The following SERPINB7 variants were observed in gnomAD, a reference collection of about 807,000 sequenced individuals.
SERPINB7 encodes serpin family B member 7, also known as serpin B7.
In SERPINB7, 31 loss-of-function variants were observed where a neutral mutation model predicts 37.4. The ratio of observed to expected loss-of-function variants is 0.83; its 90% CI spans 0.62 to 1.12. SERPINB7 has a LOEUF of 1.12. SERPINB7 is among the 50% of genes most tolerant of loss of function. SERPINB7 has a pLI of 0.00. For synonymous variants in SERPINB7, 163 were observed against 166.1 expected, an observed-to-expected ratio of 0.98 and a Z score of 0.14; for missense variants, 521 against 455.3, an observed-to-expected ratio of 1.14 and a Z score of -1.31.
intron 7 of SERPINB7, among the ~76,000 whole-genome samples, chr18:63,802,977 A>T (rs150606464): frequency 7.4e-4 from 113 of 152,298 alleles, no homozygotes; most frequent in Non-Finnish European, 1.3e-3. Flanking sequence ...AATTCACGTG[A>T]TAATCTTCAT....
chr18:63,781,163 C>G (rs890666922), intron 1 of SERPINB7, among the ~76,000 whole-genome samples: 3 of 152,182 alleles, frequency 2.0e-5, no homozygotes, highest in Non-Finnish European at 4.4e-5. Context: ...CTGCATGGCT[C>G]TCCCTCCTTG....
intron 4 of SERPINB7, among the ~76,000 whole-genome samples, chr18:63,795,609 GT>G (rs2049479459): frequency 6.6e-6 from 1 of 151,400 alleles, no homozygotes; most frequent in African/African-American, 2.4e-5. Context: ...AAAAGAAAGT[GT>G]GGGTGGAACC....
Position 63,804,835 on chromosome 18 carries a change from C to T in SERPINB7, c.*200C>T. The T allele has an allele frequency of 1.8e-6, 1 of 556,608 alleles. No homozygotes were observed. The highest frequency in any genetic ancestry group is 3.1e-6 in the Non-Finnish European group (1 of 318,808). 34.5% of individuals were successfully genotyped at this position (556,608 alleles called of 1,614,324 possible). A position where few individuals can be genotyped will look rare whatever the true frequency, so the allele number is the denominator to read the frequency against. On this transcript the variant is annotated 3_prime_UTR_variant, in exon 8 of 8. Transcript: ENST00000398019. ...CCTGATCCCTGCTCTTAGCATTCTA[C>T]CACCATGTGTCTCACCCATTTCTAA...
At chr18:63,756,105 AC>A in intron 1 of SERPINB7, among the ~76,000 whole-genome samples, 1 of 151,928 alleles carries the variant, frequency 6.6e-6, no homozygotes, top group Non-Finnish European at 1.5e-5. Context: ...ACACACACAC[AC>A]ACACACACAC....
intron 7 of SERPINB7, among the ~76,000 whole-genome samples, chr18:63,803,715 G>A (rs902521500): frequency 4.6e-5 from 7 of 152,124 alleles, no homozygotes; most frequent in Non-Finnish European, 7.4e-5. Context: ...AGACAGTATG[G>A]GTAACTGCAC....
intron 1 of SERPINB7, among the ~76,000 whole-genome samples, chr18:63,756,050 T>C (rs2049120028): frequency 6.6e-6 from 1 of 151,186 alleles, no homozygotes; most frequent in Non-Finnish European, 1.5e-5. Flanking sequence ...ATACATCACT[T>C]ACAGCATAAT....
At chr18:63,798,573 A>C in intron 5 of SERPINB7, 31 bp from the exon 6 acceptor site, 2 of 1,505,842 alleles carry the variant, frequency 1.3e-6, no homozygotes, top group Non-Finnish European at 1.8e-6. Context: ...TATTAAAATA[A>C]ACATTTTTCC....
intron 3 of SERPINB7, 81 bp from the exon 4 acceptor site, chr18:63,793,080 A>G (rs2144632102): frequency 4.6e-6 from 3 of 659,316 alleles, no homozygotes; most frequent in Non-Finnish European, 7.5e-6. Flanking sequence ...TATAATTTGC[A>G]TGTTTTGTTT....
At chr18:63,801,855 G>T (rs75611896) in intron 7 of SERPINB7, among the ~76,000 whole-genome samples, 6,800 of 152,170 alleles carry the variant, frequency 0.045, 562 homozygotes, top group African/African-American at 0.16. Context: ...CATTGAGGGG[G>T]TTACAAATTT....
At chr18:63,791,377 A>T (rs1434866899) in intron 2 of SERPINB7, among the ~76,000 whole-genome samples, 1 of 152,202 alleles carries the variant, frequency 6.6e-6, no homozygotes, top group Non-Finnish European at 1.5e-5. Context: ...GCATAAAATG[A>T]CATTTCAAGA....
chr18:63,793,477 C>T (rs1734668752), intron 4 of SERPINB7, among the ~76,000 whole-genome samples, 200 bp downstream of exon 4: 1 of 152,184 alleles, frequency 6.6e-6, no homozygotes, highest in South Asian at 2.1e-4. Flanking sequence ...TATTCAGGTT[C>T]ATTAGACTGA....
intron 1 of SERPINB7, among the ~76,000 whole-genome samples, chr18:63,770,153 T>C (rs1044134198): frequency 1.0e-4 from 15 of 150,606 alleles, no homozygotes; most frequent in African/African-American, 3.7e-4. Flanking sequence ...TTGCTTCTCT[T>C]GTGGCATCTG....
At chr18:63,783,234 G>A (rs1381522919) in intron 2 of SERPINB7, among the ~76,000 whole-genome samples, 2 of 62,502 alleles carry the variant, frequency 3.2e-5, no homozygotes, top group African/African-American at 1.0e-4. Flanking sequence ...GAGAGAGAGA[G>A]AAAGAAAGAA....
At chr18:63,794,110 A>ATTTTTTTTTTTTTTTTTTTTTTT (rs34450022) in intron 4 of SERPINB7, among the ~76,000 whole-genome samples, 1 of 105,572 alleles carries the variant, frequency 9.5e-6, no homozygotes, top group Non-Finnish European at 1.8e-5. Context: ...CATCCTGCTA[A>ATTTTTTTTTTTTTTTTTTTTTTT]TTTTTTTTTT....
At chr18:63,785,870 C>T (rs1483712685) in intron 2 of SERPINB7, among the ~76,000 whole-genome samples, 1 of 140,362 alleles carries the variant, frequency 7.1e-6, no homozygotes, top group East Asian at 2.0e-4. Flanking sequence ...AAGACATTTC[C>T]ATTGAAATGC....
chr18:63,758,665 A>G (rs1305975521), intron 1 of SERPINB7, among the ~76,000 whole-genome samples: 1 of 152,192 alleles, frequency 6.6e-6, no homozygotes, highest in Admixed American at 6.5e-5. Flanking sequence ...CCAGAAGGTC[A>G]TATTATCTGG....
chr18:63,783,873 A>G (rs550401498), intron 2 of SERPINB7, among the ~76,000 whole-genome samples: 2 of 152,276 alleles, frequency 1.3e-5, no homozygotes, highest in South Asian at 2.1e-4. Context: ...CATATGGAAA[A>G]CCATTTATGG....
chr18:63,773,471 G>A (rs547799103), upstream of SERPINB7, among the ~76,000 whole-genome samples: 80 of 152,064 alleles, frequency 5.3e-4, no homozygotes, highest in African/African-American at 1.8e-3. Context: ...ATTAGTATTC[G>A]GTCACCAAAG....
intron 1 of SERPINB7, among the ~76,000 whole-genome samples, chr18:63,754,777 T>C (rs1008752424): frequency 8.6e-5 from 13 of 152,046 alleles, no homozygotes; most frequent in African/African-American, 2.7e-4. Flanking sequence ...TTTCACACTG[T>C]AGTCTGATTT....
Sources: gnomAD v4.1 joint callset for allele counts (sites outside exome capture counted in the v4.1 genomes callset) on GRCh38, gnomAD v4.1.1 for gene constraint, MANE v1.5 for transcripts, NCBI Gene and HGNC (gene_info 2026-07-23, HGNC 2026-07-21) for gene names.